The following CNTNAP2 variants were observed in gnomAD, a reference collection of about 807,000 sequenced individuals.
CNTNAP2 encodes contactin-associated protein-like 2.
In CNTNAP2, 98 loss-of-function variants were observed where a neutral mutation model predicts 155.2. That is an observed-to-expected ratio of 0.63 (90% CI 0.54 to 0.75). CNTNAP2 has a LOEUF of 0.75. CNTNAP2 is among the 30% of genes least tolerant of loss of function. CNTNAP2 has a pLI of 0.00. For missense variants in CNTNAP2, 1,727 were observed against 1,688.1 expected (o/e 1.02, Z -0.40); for synonymous variants, 651 against 631.2 (o/e 1.03, Z -0.47).
At chr7:146,357,930 A>G (rs1467671692) in intron 1 of CNTNAP2, among the ~76,000 whole-genome samples, 3 of 151,448 alleles carry the variant, frequency 2.0e-5, no homozygotes, top group Non-Finnish European at 4.4e-5. Context: ...CCCGCCACAC[A>G]CAGGACTATA....
At chr7:146,327,966 A>G (rs1584870865) in intron 1 of CNTNAP2, among the ~76,000 whole-genome samples, 1 of 152,176 alleles carries the variant, frequency 6.6e-6, no homozygotes. Context: ...TACAGGACGT[A>G]TGGTGGACTG....
chr7:146,878,649 G>T (rs1455647769), intron 3 of CNTNAP2, among the ~76,000 whole-genome samples: 3 of 152,044 alleles, frequency 2.0e-5, no homozygotes, highest in African/African-American at 2.4e-5. Flanking sequence ...TTCATAAATT[G>T]ACAGCGCCTG....
chr7:148,385,496 A>G (rs970255279), intron 22 of CNTNAP2, among the ~76,000 whole-genome samples: 1 of 152,178 alleles, frequency 6.6e-6, no homozygotes, highest in African/African-American at 2.4e-5. Flanking sequence ...TGATCTTTGC[A>G]AGGCAGGAGT....
Position 147,833,406 on chromosome 7 carries a change from G to C in CNTNAP2, c.2099-70159G>C, listed in dbSNP as rs187202934. Among the ~76,000 whole-genome samples the C allele has an allele frequency of 6.7e-4, 102 of 152,280 alleles. 1 individual carries two copies. The highest frequency in any genetic ancestry group is 4.6e-4 in the Non-Finnish European group (31 of 68,016). ...GATAATTTCCGAGCTCCAGAGAGCAGTGATGTAAGCAATCAGGAAAATAGA... is the reference window on the plus strand; with the variant it reads ...GATAATTTCCGAGCTCCAGAGAGCACTGATGTAAGCAATCAGGAAAATAGA... On this transcript the variant is annotated intron_variant, in intron 13 of 23. Coordinates refer to ENST00000361727, the MANE Select transcript of CNTNAP2 (RefSeq NM_014141.6).
intron 1 of CNTNAP2, among the ~76,000 whole-genome samples, chr7:146,464,256 C>A (rs953096589): frequency 2.4e-5 from 3 of 126,568 alleles, no homozygotes; most frequent in Non-Finnish European, 5.0e-5. Context: ...ACCGCAAAAA[C>A]CCTGTCAATA....
At chr7:147,639,348 C>T (rs1317954943) in intron 13 of CNTNAP2, 42 bp downstream of exon 13, 2 of 1,583,112 alleles carry the variant, frequency 1.3e-6, no homozygotes, top group South Asian at 2.2e-5. Context: ...ACTATCTCAG[C>T]TGGTGCTTAG....
At chr7:148,164,773 A>G (rs1211814567) in intron 17 of CNTNAP2, among the ~76,000 whole-genome samples, 1 of 150,880 alleles carries the variant, frequency 6.6e-6, no homozygotes, top group African/African-American at 2.4e-5. Context: ...GGCAGATGCC[A>G]CCACATCTGG....
At chr7:146,715,197 G>A (rs988863727) in intron 1 of CNTNAP2, among the ~76,000 whole-genome samples, 2 of 152,090 alleles carry the variant, frequency 1.3e-5, no homozygotes, top group Non-Finnish European at 2.9e-5. Flanking sequence ...CGGTTGTGGT[G>A]GTGGGCACCT....
At chr7:146,127,962 AC>A (rs1797660412) in intron 1 of CNTNAP2, among the ~76,000 whole-genome samples, 1 of 152,162 alleles carries the variant, frequency 6.6e-6, no homozygotes, top group Non-Finnish European at 1.5e-5. Flanking sequence ...AAAAATAGTT[AC>A]TTCTATTCTA....
intron 15 of CNTNAP2, among the ~76,000 whole-genome samples, chr7:148,005,299 C>G: frequency 6.6e-6 from 1 of 152,152 alleles, no homozygotes; most frequent in Non-Finnish European, 1.5e-5. Flanking sequence ...CTCATGAGGG[C>G]TCCATCCTAA....
chr7:147,206,842 A>G (rs1496542), intron 8 of CNTNAP2, among the ~76,000 whole-genome samples: 78,421 of 151,960 alleles, frequency 0.52, 20,902 homozygotes, highest in South Asian at 0.7. Context: ...GGATTTTCTC[A>G]GAAGACCACA....
intron 3 of CNTNAP2, among the ~76,000 whole-genome samples, chr7:146,923,016 G>C (rs985413466): frequency 5.9e-5 from 9 of 152,184 alleles, no homozygotes; most frequent in Non-Finnish European, 1.2e-4. Context: ...AGACAGCATA[G>C]CTGATGTAGA....
chr7:147,834,984 A>G (rs1798611571), intron 13 of CNTNAP2, among the ~76,000 whole-genome samples: 1 of 152,254 alleles, frequency 6.6e-6, no homozygotes, highest in South Asian at 2.1e-4. Context: ...CTTCTAACCA[A>G]CTCACGTTTC....
At chr7:147,280,339 C>T (rs1409094678) in intron 8 of CNTNAP2, among the ~76,000 whole-genome samples, 1 of 151,856 alleles carries the variant, frequency 6.6e-6, no homozygotes, top group Non-Finnish European at 1.5e-5. Flanking sequence ...AAACAGAGGT[C>T]ACACATCCTC....
intron 1 of CNTNAP2, among the ~76,000 whole-genome samples, chr7:146,676,277 A>G (rs1400052589): frequency 6.6e-6 from 1 of 152,168 alleles, no homozygotes; most frequent in Admixed American, 6.5e-5. Flanking sequence ...ACTATAATGA[A>G]TTGGCTATAG....
intron 1 of CNTNAP2, among the ~76,000 whole-genome samples, chr7:146,771,769 G>A (rs1585082703): frequency 6.6e-6 from 1 of 152,188 alleles, no homozygotes; most frequent in African/African-American, 2.4e-5. Flanking sequence ...AGTATCATTG[G>A]GGACTTAAGT....
At chr7:146,277,551 T>TA (rs141041577) in intron 1 of CNTNAP2, among the ~76,000 whole-genome samples, 4,272 of 152,264 alleles carry the variant, frequency 0.028, 191 homozygotes, top group African/African-American at 0.095. Context: ...GGTGTAAAGA[T>TA]ACACAGATTC....
At chr7:147,384,542 A>G (rs1796595441) in intron 9 of CNTNAP2, among the ~76,000 whole-genome samples, 1 of 152,190 alleles carries the variant, frequency 6.6e-6, no homozygotes, top group East Asian at 1.9e-4. Context: ...ATATATGAGG[A>G]TCAAGTGTAA....
intron 1 of CNTNAP2, among the ~76,000 whole-genome samples, chr7:146,325,771 T>TA (rs572166876): frequency 4.4e-4 from 67 of 151,366 alleles, no homozygotes; most frequent in African/African-American, 1.3e-3. Flanking sequence ...ACATTTTCAA[T>TA]AAAAAAAAAC....
Sources: gnomAD v4.1 joint callset for allele counts (sites outside exome capture counted in the v4.1 genomes callset) on GRCh38, gnomAD v4.1.1 for gene constraint, MANE v1.5 for transcripts, NCBI Gene and HGNC (gene_info 2026-07-23, HGNC 2026-07-21) for gene names.